Variants in KDM4B observed in about 807,000 individuals in gnomAD.
The protein encoded by KDM4B is lysine demethylase 4B, also known as lysine-specific demethylase 4B.
A neutral mutation model predicts 125.2 loss-of-function variants in KDM4B; 32 were observed. That is an observed-to-expected ratio of 0.26 (90% CI 0.19 to 0.34). The LOEUF is 0.34. KDM4B is among the 10% of genes least tolerant of loss of function. KDM4B has a pLI of 1.00. For synonymous variants in KDM4B, 721 were observed against 677.9 expected, an observed-to-expected ratio of 1.06 and a Z score of -0.99; for missense variants, 1,190 against 1,577.7, an observed-to-expected ratio of 0.75 and a Z score of 4.16.
chr19:5,023,222 C>T (rs1044271831), intron 2 of KDM4B, among the ~76,000 whole-genome samples: 6 of 152,142 alleles, frequency 3.9e-5, no homozygotes, highest in Non-Finnish European at 7.3e-5. Flanking sequence ...ACCTGGCACG[C>T]GCTGGTGCTC....
intron 7 of KDM4B, among the ~76,000 whole-genome samples, chr19:5,072,269 C>T (rs931750171): frequency 5.3e-5 from 8 of 152,298 alleles, no homozygotes; most frequent in African/African-American, 7.2e-5. Flanking sequence ...CCAGAGACTG[C>T]GCCAGGAGTC....
rs2036593985 is a variant in KDM4B, at chr19:5,035,649, G to T, written c.141+2618G>T. On this transcript the variant is annotated intron_variant, in intron 3 of 22. Coordinates refer to ENST00000159111, the MANE Select transcript of KDM4B (RefSeq NM_015015.3). This position sits in a 1 kb window ranked among gnomAD's most constrained non-coding sequence, Gnocchi z 5.3. ...ACTCCCCCCAGGCCAGTTCCCCCGAGATTCTTGGCACCGGCGTCTTAAGCC... is the reference window on the plus strand; with the variant it reads ...ACTCCCCCCAGGCCAGTTCCCCCGATATTCTTGGCACCGGCGTCTTAAGCC... Among the ~76,000 whole-genome samples, 1 of 152,116 alleles carries T rather than the reference G, an allele frequency of 6.6e-6. No individual in the cohort carries two copies. The highest frequency in any genetic ancestry group is 6.5e-5 in the Admixed American group (1 of 15,288).
At chr19:5,013,127 C>G (rs1281792136) in intron 1 of KDM4B, among the ~76,000 whole-genome samples, 1 of 152,196 alleles carries the variant, frequency 6.6e-6, no homozygotes, top group Non-Finnish European at 1.5e-5. Context: ...CAGAAGGACC[C>G]GTGGTCTTGG....
intron 9 of KDM4B, 121 bp from the exon 10 acceptor site, chr19:5,110,501 C>G: frequency 1.1e-6 from 1 of 878,356 alleles, no homozygotes. Flanking sequence ...AAGCGGAATG[C>G]TCAGCGGTGG....
intron 9 of KDM4B, among the ~76,000 whole-genome samples, chr19:5,092,866 G>A (rs1221763896): frequency 3.3e-5 from 5 of 152,192 alleles, no homozygotes; most frequent in South Asian, 4.1e-4. Context: ...TGGATGAGTC[G>A]TAACCTGGAG....
chr19:5,052,816 T>C (rs1317246232), intron 6 of KDM4B, among the ~76,000 whole-genome samples: 1 of 152,118 alleles, frequency 6.6e-6, no homozygotes, highest in African/African-American at 2.4e-5. Flanking sequence ...GGGACCCTGG[T>C]GTGGGTTTGT....
At chr19:5,117,050 G>T (rs990296414) in intron 10 of KDM4B, among the ~76,000 whole-genome samples, 1 of 152,160 alleles carries the variant, frequency 6.6e-6, no homozygotes, top group Non-Finnish European at 1.5e-5. Flanking sequence ...TGCCCCCCTT[G>T]CTGTGTCTGT....
intron 6 of KDM4B, among the ~76,000 whole-genome samples, chr19:5,060,433 CAAAAAAAAAAAAA>C (rs901472663): frequency 1.8e-4 from 6 of 32,946 alleles, no homozygotes; most frequent in Non-Finnish European, 2.6e-4. Flanking sequence ...ACTCTGTCTC[CAAAAAAAAAAAAA>C]AAAAAAAAAA....
rs2039970933 is a variant in KDM4B, at chr19:5,152,815, A to G, written c.*1304A>G. ...TGGAGGAGATAATTTGCTTATATTA[A>G]AAACAAAAAATGGCTGAGGCAGGAG... On this transcript the variant is annotated 3_prime_UTR_variant, in exon 23 of 23. Coordinates refer to ENST00000159111, the MANE Select transcript of KDM4B (RefSeq NM_015015.3). 1 of 152,294 alleles carries G rather than the reference A, an allele frequency of 6.6e-6. No individual in the cohort carries two copies. The highest frequency in any genetic ancestry group is 1.5e-5 in the Non-Finnish European group (1 of 68,092). 9.4% of individuals were successfully genotyped at this position (152,294 alleles called of 1,614,324 possible).
intron 1 of KDM4B, among the ~76,000 whole-genome samples, chr19:4,993,648 T>C (rs13346296): frequency 0.042 from 6,363 of 152,140 alleles, 452 homozygotes; most frequent in African/African-American, 0.14. Context: ...TCTTGCACTT[T>C]TGCCCAGTCT....
At chr19:5,110,429 A>G (rs2039117274) in intron 9 of KDM4B, among the ~76,000 whole-genome samples, 193 bp from the exon 10 acceptor site, 1 of 152,186 alleles carries the variant, frequency 6.6e-6, no homozygotes, top group Non-Finnish European at 1.5e-5. Flanking sequence ...CCATGATTGC[A>G]CCACTGCACT....
At chr19:4,981,619 G>A (rs1319269971) in intron 1 of KDM4B, among the ~76,000 whole-genome samples, 9 of 152,128 alleles carry the variant, frequency 5.9e-5, no homozygotes, top group African/African-American at 1.9e-4. Flanking sequence ...CCCCCACCAC[G>A]CCGGGCCCCT....
At chr19:4,987,203 C>G (rs2034867204) in intron 1 of KDM4B, among the ~76,000 whole-genome samples, 1 of 152,206 alleles carries the variant, frequency 6.6e-6, no homozygotes. Context: ...AGGTGATCTG[C>G]TCTCCTCGGC....
chr19:5,102,003 G>A (rs12973186), intron 9 of KDM4B, among the ~76,000 whole-genome samples: 8,179 of 152,246 alleles, frequency 0.054, 286 homozygotes, highest in Middle Eastern at 0.092. Flanking sequence ...GCAGGCGGCC[G>A]CCAGGGTGCC....
At chr19:5,090,001 C>G (rs2038636770) in intron 9 of KDM4B, among the ~76,000 whole-genome samples, 1 of 152,150 alleles carries the variant, frequency 6.6e-6, no homozygotes, top group African/African-American at 2.4e-5. Flanking sequence ...AGACCCCATT[C>G]TCCACAAAAA....
Position 5,114,883 on chromosome 19 carries a change from AT to A in KDM4B, c.1115+4066del, listed in dbSNP as rs1360490886. On this transcript the variant is annotated intron_variant, in intron 10 of 22. Transcript: ENST00000159111. The surrounding 1 kb of genome is among the most constrained non-coding windows in gnomAD (Gnocchi z 5.8). ...AAGGACACCTGCTTCCACCTTGGAA[AT>A]ATTAGTGCAGTTATCTGGACTATGT... Among the ~76,000 whole-genome samples the A allele has an allele frequency of 6.6e-6, 1 of 152,252 alleles. No individual in the cohort carries two copies. The highest frequency in any genetic ancestry group is 1.9e-4 in the East Asian group (1 of 5,192).
At chr19:5,145,237 A>G (rs2039821672) in intron 21 of KDM4B, among the ~76,000 whole-genome samples, 1 of 150,856 alleles carries the variant, frequency 6.6e-6, no homozygotes, top group Admixed American at 6.6e-5. Flanking sequence ...TTTTAATCAA[A>G]TTGGTAGTGA....
At chr19:4,973,685 C>T (rs931349867) in intron 1 of KDM4B, among the ~76,000 whole-genome samples, 1 of 152,156 alleles carries the variant, frequency 6.6e-6, no homozygotes, top group East Asian at 1.9e-4. Flanking sequence ...TTGGTTAGAT[C>T]TGGGTCCGTC....
intron 9 of KDM4B, 91 bp from the exon 10 acceptor site, chr19:5,110,531 G>A (rs1284150903): frequency 2.6e-5 from 33 of 1,283,646 alleles, no homozygotes; most frequent in South Asian, 3.7e-5. Flanking sequence ...TGGGAGGCCC[G>A]GGCCGTGAGC....
Sources: allele counts gnomAD v4.1 joint callset (sites outside exome capture counted in the v4.1 genomes callset), GRCh38; gene constraint gnomAD v4.1.1; non-coding constraint Gnocchi (gnomAD v3.1); transcripts MANE v1.5; gene names NCBI Gene and HGNC (gene_info 2026-07-23, HGNC 2026-07-21).